TMCO4: variants seen among roughly 807,000 people sequenced by gnomAD.
The protein encoded by TMCO4 is transmembrane and coiled-coil domains 4, also known as transmembrane and coiled-coil domain-containing protein 4.
A neutral mutation model predicts 64.7 loss-of-function variants in TMCO4; 58 were observed. The ratio of observed to expected loss-of-function variants is 0.90; its 90% CI spans 0.73 to 1.12. TMCO4 has a LOEUF of 1.12. Ranked by LOEUF, TMCO4 falls within the 50% of genes most tolerant of loss-of-function variation. The pLI, the probability that TMCO4 is intolerant of heterozygous loss-of-function variation, is 0.00. For synonymous variants in TMCO4, 325 were observed against 346.1 expected (o/e 0.94, Z 0.68); for missense variants, 780 against 825.9 (o/e 0.94, Z 0.68).
rs1201601641 is a variant in TMCO4, at chr1:19,737,389, T to A, written c.1247A>T (p.Glu416Val). 2 of 1,613,550 alleles carry A rather than the reference T, an allele frequency of 1.2e-6. No homozygotes were observed. Among genetic ancestry groups the A allele is most frequent in the African/African-American group, 2.7e-5 (2 of 74,942 alleles). ...ATGCTCACCTTTCTCTTGAGCCATC[T>A]CCTGCAGACAGAAGTAGATGACTCT... ...GARVIYFCLQEMAQEKDCQGI... is the reference protein window; with the variant it reads ...GARVIYFCLQVMAQEKDCQGI... The change falls in exon 13 of 16, where the codon GAG (glutamate) becomes GTG (valine). Residue 416 changes from glutamate (E) to valine (V), a missense_variant. By Grantham distance (121) the Glu-to-Val change is moderately radical. Transcript: ENST00000294543.
At position 19,734,617 on chromosome 1, in the gene TMCO4, C is replaced by T. The variant is rs115240273; in HGVS notation, c.1264+2755G>A. On this transcript the variant is annotated intron_variant, in intron 13 of 15. Transcript: ENST00000294543. The surrounding 1 kb of genome is among the most constrained non-coding windows in gnomAD (Gnocchi z 4.4). ...ACCAACCCACCTGGGGGGCCTCTTA[C>T]GTGGGCTGCAGAGACACCAGATGCC... Among the ~76,000 whole-genome samples, 605 of 152,180 alleles carry T rather than the reference C, an allele frequency of 4.0e-3. 2 individuals carry two copies. The highest frequency in any genetic ancestry group is 0.013 in the African/African-American group (543 of 41,518).
intron 4 of TMCO4, among the ~76,000 whole-genome samples, chr1:19,778,692 G>C (rs1176377613): frequency 6.6e-6 from 1 of 152,222 alleles, no homozygotes; most frequent in East Asian, 1.9e-4. Context: ...ACTGGAAAGT[G>C]GCAGAGTTAA....
At chr1:19,685,428 C>T (rs1444232968) in intron 15 of TMCO4, among the ~76,000 whole-genome samples, 2 of 152,212 alleles carry the variant, frequency 1.3e-5, no homozygotes, top group African/African-American at 4.8e-5. Flanking sequence ...CCACCCCCTT[C>T]GTCAGAGTCA....
rs554041584 is a variant in TMCO4, at chr1:19,734,518, C to A, written c.1264+2854G>T. ...TTTAAAGACCTCAATCTTTCCCCAG[C>A]GTTGAACCAGTTGTTTCCAACTCCT... is the stretch of plus-strand genomic sequence containing the variant. On this transcript the variant is annotated intron_variant, in intron 13 of 15. Coordinates refer to ENST00000294543, the MANE Select transcript of TMCO4 (RefSeq NM_181719.7). This position sits in a 1 kb window ranked among gnomAD's most constrained non-coding sequence, Gnocchi z 4.4. 6.6e-6 allele frequency among the ~76,000 whole-genome samples: 1 copy of A among 152,122 alleles called. No homozygotes were observed. The highest frequency in any genetic ancestry group is 1.5e-5 in the Non-Finnish European group (1 of 68,006).
At chr1:19,710,595 A>G (rs546954785) in intron 13 of TMCO4, among the ~76,000 whole-genome samples, 1 of 152,300 alleles carries the variant, frequency 6.6e-6, no homozygotes, top group South Asian at 2.1e-4. Context: ...CACGCCAAGT[A>G]ATTTGTCCAA....
chr1:19,756,291 C>T (rs1250394096), intron 6 of TMCO4, among the ~76,000 whole-genome samples: 5 of 151,940 alleles, frequency 3.3e-5, no homozygotes, highest in African/African-American at 7.3e-5. Flanking sequence ...CAGTCAAATG[C>T]GCAAAGATCA....
At chr1:19,778,130 A>G (rs1037971316) in intron 4 of TMCO4, among the ~76,000 whole-genome samples, 1 of 152,230 alleles carries the variant, frequency 6.6e-6, no homozygotes, top group Non-Finnish European at 1.5e-5. Flanking sequence ...TGAAGAAACA[A>G]CTAGGGCAAA....
At chr1:19,775,050 G>A (rs990920853) in intron 4 of TMCO4, among the ~76,000 whole-genome samples, 2 of 152,102 alleles carry the variant, frequency 1.3e-5, no homozygotes, top group African/African-American at 4.8e-5. Flanking sequence ...CACCTGGCCT[G>A]CTGGGTTTGG....
intron 13 of TMCO4, among the ~76,000 whole-genome samples, chr1:19,720,399 G>C (rs1473966585): frequency 6.6e-6 from 1 of 152,148 alleles, no homozygotes; most frequent in Admixed American, 6.5e-5. Context: ...CATGGGGTCT[G>C]TTTGCTCAGC....
intron 9 of TMCO4, 142 bp downstream of exon 9, chr1:19,746,314 G>A: frequency 7.9e-7 from 1 of 1,273,348 alleles, no homozygotes; most frequent in East Asian, 2.6e-5. Flanking sequence ...CTCTGGGAAG[G>A]CTGGGACCCA....
chr1:19,787,325 G>C (rs1381306729), intron 2 of TMCO4, among the ~76,000 whole-genome samples: 3 of 152,230 alleles, frequency 2.0e-5, no homozygotes, highest in African/African-American at 4.8e-5. Context: ...CCACTGCTGA[G>C]CACTCACCAT....
At chr1:19,718,333 T>TC (rs2095366098) in intron 13 of TMCO4, among the ~76,000 whole-genome samples, 2 of 150,280 alleles carry the variant, frequency 1.3e-5, no homozygotes, top group African/African-American at 2.5e-5. Flanking sequence ...AGACTCCATC[T>TC]CAAAATAAAT....
chr1:19,774,428 T>C (rs974596962), intron 4 of TMCO4, among the ~76,000 whole-genome samples: 4 of 152,218 alleles, frequency 2.6e-5, no homozygotes, highest in Admixed American at 2.6e-4. Context: ...GTGGAGATGA[T>C]GAAAGGTATT....
intron 15 of TMCO4, among the ~76,000 whole-genome samples, chr1:19,684,390 T>C (rs1004131551): frequency 3.3e-5 from 5 of 152,082 alleles, no homozygotes; most frequent in African/African-American, 1.2e-4. Context: ...CCTCCCAAAG[T>C]GCTGGGATTA....
rs2095108010 is a variant in TMCO4, at chr1:19,682,247, T to C, written c.*793A>G. The C allele has an allele frequency of 5.2e-6, 1 of 192,750 alleles. No homozygotes were observed. The highest frequency in any genetic ancestry group is 2.3e-5 in the African/African-American group (1 of 43,788). The allele number at this position is 192,750 out of a possible 1,614,324, so 11.9% of individuals were successfully genotyped here. A position where few individuals can be genotyped will look rare whatever the true frequency, so the allele number is the denominator to read the frequency against. On this transcript the variant is annotated 3_prime_UTR_variant, in exon 16 of 16. Coordinates refer to ENST00000294543, the MANE Select transcript of TMCO4 (RefSeq NM_181719.7). ...TGCTCAAGAAGTGGTAGCTTCTTCT[T>C]ATTATTATTTATTGCTGTTGTTATC...
chr1:19,740,447 G>A (rs777260012), intron 11 of TMCO4, among the ~76,000 whole-genome samples: 5 of 152,124 alleles, frequency 3.3e-5, no homozygotes, highest in South Asian at 2.1e-4. Flanking sequence ...AGCATTGATC[G>A]GTGGATGGTT....
At chr1:19,685,794 A>G (rs1390415250) in intron 15 of TMCO4, among the ~76,000 whole-genome samples, 1 of 144,846 alleles carries the variant, frequency 6.9e-6, no homozygotes, top group Non-Finnish European at 1.5e-5. Context: ...GCTCACTTTA[A>G]GCTCTGCCTC....
chr1:19,792,603 G>C (rs945292812), intron 2 of TMCO4, among the ~76,000 whole-genome samples: 1 of 152,072 alleles, frequency 6.6e-6, no homozygotes, highest in African/African-American at 2.4e-5. Flanking sequence ...AATCAAATAT[G>C]GTCAATACCA....
At chr1:19,696,275 C>G (rs556689071) in intron 14 of TMCO4, among the ~76,000 whole-genome samples, 1 of 152,166 alleles carries the variant, frequency 6.6e-6, no homozygotes, top group African/African-American at 2.4e-5. Flanking sequence ...GGTTGCAGGG[C>G]GCGGTGGCTC....
Sources: gnomAD v4.1 joint callset for allele counts (sites outside exome capture counted in the v4.1 genomes callset) on GRCh38, gnomAD v4.1.1 for gene constraint, Gnocchi (gnomAD v3.1) non-coding constraint, MANE v1.5 for transcripts, NCBI Gene and HGNC (gene_info 2026-07-23, HGNC 2026-07-21) for gene names.